Variants in UBR3 observed in about 807,000 individuals in gnomAD.
UBR3 encodes the protein ubiquitin protein ligase E3 component n-recognin 3.
In UBR3, 85 loss-of-function variants were observed where a neutral mutation model predicts 243.2. That is an observed-to-expected ratio of 0.35 (90% CI 0.29 to 0.42). The LOEUF (loss-of-function observed/expected upper bound fraction) is 0.42, where lower values mean the gene tolerates loss of function less well. Ranked by LOEUF, UBR3 falls within the 10% of genes least tolerant of loss-of-function variation. The pLI is 1.00. For synonymous variants in UBR3, 748 were observed against 799.8 expected (o/e 0.94, Z 1.09); for missense variants, 1,686 against 2,300.8 (o/e 0.73, Z 5.47).
intron 1 of UBR3, among the ~76,000 whole-genome samples, chr2:169,871,415 G>GA (rs76600459): frequency 0.056 from 7,025 of 124,908 alleles, 251 homozygotes; most frequent in East Asian, 0.15. Context: ...GTCTTTAAGG[G>GA]AAAAAAAAAA....
chr2:170,027,896 C>A (rs908779846), intron 30 of UBR3, among the ~76,000 whole-genome samples: 40 of 151,822 alleles, frequency 2.6e-4, no homozygotes, highest in African/African-American at 9.4e-4. Flanking sequence ...ACCATAAAAA[C>A]TGGAAATTTG....
At chr2:170,039,399 G>A (rs10189407) in intron 31 of UBR3, among the ~76,000 whole-genome samples, 109,924 of 151,708 alleles carry the variant, frequency 0.72, 40,443 homozygotes, top group East Asian at 0.88. Flanking sequence ...TTTTTTTTTA[G>A]ACCTTGGCCT....
intron 35 of UBR3, among the ~76,000 whole-genome samples, chr2:170,071,129 A>G (rs2091688460): frequency 6.6e-6 from 1 of 152,196 alleles, no homozygotes; most frequent in Non-Finnish European, 1.5e-5. Context: ...ACTGATAGGA[A>G]TGCAAAACGG....
At chr2:170,004,456 GTTAA>G (rs1192633549) in intron 27 of UBR3, among the ~76,000 whole-genome samples, 2 of 152,128 alleles carry the variant, frequency 1.3e-5, no homozygotes, top group Non-Finnish European at 2.9e-5. Context: ...GATTGATGGG[GTTAA>G]TTAATTATAT....
In UBR3 at chr2:169,949,676, C is replaced by T. The variant is rs966762235; in HGVS notation, c.3156C>T (p.Arg1052=). The change falls in exon 23 of 39, where the codon CGC becomes CGT. Residue 1052 remains arginine, a synonymous_variant. Coordinates refer to ENST00000272793, the MANE Select transcript of UBR3 (RefSeq NM_172070.4). ...RRKKFQEIIN[R]SSSEANQVVR... is the part of the protein sequence containing the mutation. ...AGAAATTTCAGGAAATCATCAATCG[C>T]AGTAGCAGTGAAGCAAATCAGGTGG... is the stretch of plus-strand genomic sequence containing the variant. 2.6e-6 allele frequency: 4 copies of T among 1,551,344 alleles called. No individual in the cohort carries two copies. The African/African-American group carries it at 5.5e-5, about 21-fold the overall frequency.
At chr2:170,080,238 C>G (rs1422227114) in intron 37 of UBR3, 3 of 585,886 alleles carry the variant, frequency 5.1e-6, no homozygotes, top group African/African-American at 3.7e-5. Context: ...TCTAGTTCTC[C>G]TTTCATCTAC....
At chr2:169,900,854 A>T (rs1226857581) in intron 8 of UBR3, among the ~76,000 whole-genome samples, 1 of 151,992 alleles carries the variant, frequency 6.6e-6, no homozygotes, top group East Asian at 1.9e-4. Flanking sequence ...AAAATTGTCC[A>T]TGACTCATGT....
At chr2:169,947,511 G>A in intron 21 of UBR3, 31 bp from the exon 22 acceptor site, 1 of 1,406,052 alleles carries the variant, frequency 7.1e-7, no homozygotes, top group Non-Finnish European at 9.3e-7. Flanking sequence ...GATGTGGCAA[G>A]ACTTGATATT....
intron 24 of UBR3, among the ~76,000 whole-genome samples, chr2:169,985,120 C>T (rs1574340506): frequency 6.6e-6 from 1 of 151,640 alleles, no homozygotes; most frequent in Non-Finnish European, 1.5e-5. Context: ...TCAGGTATCT[C>T]TGTGTTCTCC....
At chr2:170,017,051 T>A (rs1243781124) in intron 30 of UBR3, 3 of 170,230 alleles carry the variant, frequency 1.8e-5, no homozygotes, top group Non-Finnish European at 4.1e-5. Flanking sequence ...AATCCCACTA[T>A]CTTACAAGTG....
chr2:170,072,017 T>C (rs1559236328), intron 35 of UBR3, among the ~76,000 whole-genome samples: 1 of 152,198 alleles, frequency 6.6e-6, no homozygotes, highest in Non-Finnish European at 1.5e-5. Context: ...AGTGTGGCGA[T>C]TCCTCAGGGA....
chr2:170,042,999 C>T (rs1262056052), intron 32 of UBR3, among the ~76,000 whole-genome samples: 1 of 152,006 alleles, frequency 6.6e-6, no homozygotes, highest in Non-Finnish European at 1.5e-5. Context: ...TTTTCTTAAT[C>T]TAGGGAAACA....
intron 1 of UBR3, among the ~76,000 whole-genome samples, chr2:169,866,239 AGAGT>A (rs1468915477): frequency 7.3e-6 from 1 of 136,372 alleles, no homozygotes; most frequent in Non-Finnish European, 1.5e-5. Context: ...CCTGGGCAAC[AGAGT>A]GAGACTGTGT....
At chr2:169,870,821 T>G (rs945227616) in intron 1 of UBR3, among the ~76,000 whole-genome samples, 3 of 152,052 alleles carry the variant, frequency 2.0e-5, no homozygotes, top group African/African-American at 7.2e-5. Context: ...GCCTGGCTAA[T>G]TTTTGTATTT....
intron 32 of UBR3, among the ~76,000 whole-genome samples, chr2:170,045,977 T>TA (rs2091076563): frequency 6.6e-6 from 1 of 150,742 alleles, no homozygotes; most frequent in Non-Finnish European, 1.5e-5. Flanking sequence ...TTTTTTTTTT[T>TA]TTTTTTTTTT....
intron 1 of UBR3, 35 bp from the exon 2 acceptor site, chr2:169,872,201 C>T (rs2083459621): frequency 2.2e-6 from 3 of 1,385,732 alleles, no homozygotes; most frequent in Middle Eastern, 1.8e-4. Flanking sequence ...GCTGATTAGA[C>T]ATTACTGTTA....
At chr2:169,832,618 A>G (rs2081975162) in intron 1 of UBR3, among the ~76,000 whole-genome samples, 1 of 150,638 alleles carries the variant, frequency 6.6e-6, no homozygotes, top group East Asian at 2.0e-4. Context: ...GCCACTAGTG[A>G]GTAAGTGCAG....
chr2:170,032,607 T>G (rs1169125401), intron 31 of UBR3, among the ~76,000 whole-genome samples: 5 of 132,232 alleles, frequency 3.8e-5, no homozygotes, highest in Non-Finnish European at 6.4e-5. Context: ...TTTTTTTTTT[T>G]TTTTAGTTCA....
chr2:169,880,055 G>A (rs992627367), intron 5 of UBR3, among the ~76,000 whole-genome samples: 4 of 152,070 alleles, frequency 2.6e-5, no homozygotes, highest in Admixed American at 2.6e-4. Flanking sequence ...TGCTCTAAGA[G>A]CATTTTGTGG....
Sources: gnomAD v4.1 joint callset for allele counts (sites outside exome capture counted in the v4.1 genomes callset) on GRCh38, gnomAD v4.1.1 for gene constraint, MANE v1.5 for transcripts, NCBI Gene and HGNC (gene_info 2026-07-23, HGNC 2026-07-21) for gene names.